Variants in LAMA2 observed in about 807,000 individuals in gnomAD.
LAMA2 encodes the protein laminin subunit alpha 2.
A neutral mutation model predicts 364.8 loss-of-function variants in LAMA2; 269 were observed. The observed-to-expected ratio is 0.74, with a 90% CI of 0.67 to 0.82. The LOEUF (loss-of-function observed/expected upper bound fraction) is 0.82, where lower values mean the gene tolerates loss of function less well. LAMA2 is among the 40% of genes least tolerant of loss of function. The probability of loss-of-function intolerance (pLI) is 0.00; values close to 1 mark genes in which losing one functional copy is unlikely to be tolerated. For missense variants in LAMA2, 3,807 were observed against 3,873.2 expected, an observed-to-expected ratio of 0.98 and a Z score of 0.45; for synonymous variants, 1,379 against 1,370.6, an observed-to-expected ratio of 1.01 and a Z score of -0.14.
At chr6:129,123,288 A>C (rs903125089) in intron 4 of LAMA2, among the ~76,000 whole-genome samples, 1 of 151,184 alleles carries the variant, frequency 6.6e-6, no homozygotes, top group Admixed American at 6.6e-5. Context: ...CCTGAGCGAT[A>C]GAGTAAGACT....
At position 129,365,965 on chromosome 6, in the gene LAMA2, C is replaced by G. The variant is rs6907994; in HGVS notation, c.4718-254C>G. On this transcript the variant is annotated intron_variant, in intron 32 of 64. Transcript: ENST00000421865. The stretch of plus-strand genomic sequence containing the variant: ...TTTTTCTCCCCAAATCTATTTGCTC[C>G]TCCTCTTTGGTCCCTCAGTTTATAT... 0.1 allele frequency among the ~76,000 whole-genome samples: 15,547 copies of G among 152,144 alleles called. 1,046 individuals are homozygous for G. The highest frequency in any genetic ancestry group is 0.18 in the African/African-American group (7,375 of 41,478).
At chr6:128,887,090 A>G (rs1776189879) in intron 1 of LAMA2, among the ~76,000 whole-genome samples, 1 of 152,238 alleles carries the variant, frequency 6.6e-6, no homozygotes, top group Non-Finnish European at 1.5e-5. Context: ...GATTTAAAAT[A>G]AAAACATGTT....
intron 45 of LAMA2, among the ~76,000 whole-genome samples, chr6:129,452,084 C>T (rs895687226): frequency 1.1e-4 from 17 of 152,304 alleles, no homozygotes; most frequent in South Asian, 6.2e-4. Flanking sequence ...CCTTCTGGAG[C>T]GCTATCAATG....
Position 129,483,089 on chromosome 6 carries a change from G to GA in LAMA2, c.7749+1658dup, listed in dbSNP as rs1237334099. ...CTCGAAAAAAAAAAAAAAAGAAAAA[G>GA]AAAAAAAAGAAAATCTAAAAATAAT... On this transcript the variant is annotated intron_variant, in intron 55 of 64. Coordinates refer to ENST00000421865, the MANE Select transcript of LAMA2 (RefSeq NM_000426.4). Among the ~76,000 whole-genome samples the GA allele has an allele frequency of 2.8e-5, 4 of 142,148 alleles. No individual in the cohort carries two copies. In the East Asian group the frequency reaches 8.2e-4, roughly 29 times the overall value. The allele number at this position is 142,148 out of a possible 152,430, so 93.3% of individuals were successfully genotyped here. A position where few individuals can be genotyped will look rare whatever the true frequency, so the allele number is the denominator to read the frequency against.
At chr6:128,934,664 G>A (rs1779703521) in intron 1 of LAMA2, among the ~76,000 whole-genome samples, 1 of 151,922 alleles carries the variant, frequency 6.6e-6, no homozygotes, top group Non-Finnish European at 1.5e-5. Context: ...ACCATGCCCA[G>A]CCAATTTTAT....
chr6:129,106,485 A>G (rs1775831735), intron 4 of LAMA2, among the ~76,000 whole-genome samples: 1 of 152,166 alleles, frequency 6.6e-6, no homozygotes, highest in African/African-American at 2.4e-5. Flanking sequence ...ACAGCGGAGT[A>G]TTACTAATTT....
At chr6:129,383,849 A>C (rs1044167912) in intron 35 of LAMA2, among the ~76,000 whole-genome samples, 1 of 152,172 alleles carries the variant, frequency 6.6e-6, no homozygotes, top group Non-Finnish European at 1.5e-5. Flanking sequence ...CTCGCCCCCC[A>C]AAAAAACCTA....
intron 40 of LAMA2, among the ~76,000 whole-genome samples, chr6:129,414,637 A>T (rs1188687978): frequency 6.6e-6 from 1 of 152,178 alleles, no homozygotes; most frequent in Non-Finnish European, 1.5e-5. Context: ...ATAATAAAGA[A>T]AATAGGTCTA....
At position 129,154,378 on chromosome 6, in the gene LAMA2, C is replaced by T. The variant is rs894775739; in HGVS notation, c.1028-127C>T. 8 of 787,148 alleles carry T rather than the reference C, an allele frequency of 1.0e-5. No homozygotes were observed. In the African/African-American group the frequency reaches 1.0e-4, roughly 10 times the overall value. 48.8% of individuals were successfully genotyped at this position (787,148 alleles called of 1,614,324 possible). ...AGTGAGCCGAGATCGTGCCACTCTG[C>T]ACTCCAGCCTGGGCGACAGAGTGAG... On this transcript the variant is annotated intron_variant, in intron 7 of 64. Transcript: ENST00000421865.
At chr6:128,903,701 T>C (rs1482673388) in intron 1 of LAMA2, among the ~76,000 whole-genome samples, 2 of 152,100 alleles carry the variant, frequency 1.3e-5, no homozygotes, top group African/African-American at 4.8e-5. Flanking sequence ...AAGTATTTTA[T>C]ATAATAATGC....
rs751608288 is a variant in LAMA2, at chr6:129,315,889, T to G, written c.3863T>G (p.Val1288Gly). 1 of 1,614,094 alleles carries G rather than the reference T, an allele frequency of 6.2e-7. No homozygotes were observed. The highest frequency in any genetic ancestry group is 1.1e-5 in the South Asian group (1 of 91,074). ...ACACCTACTCATGCTAGAATTATCG[T>G]CAGGCATATGGCTGCTCCTCTGATT... Reference protein sequence around the residue: ...GGTPTHARIIVRHMAAPLIGQ... With the variant: ...GGTPTHARIIGRHMAAPLIGQ... The change falls in exon 26 of 65, where the codon GTC becomes GGC. Residue 1288 changes from valine to glycine, a missense_variant. Val to Gly is a moderately radical substitution (Grantham distance 109, BLOSUM62 -3). Transcript: ENST00000421865.
At chr6:128,964,192 A>C (rs1323472789) in intron 1 of LAMA2, among the ~76,000 whole-genome samples, 4 of 152,086 alleles carry the variant, frequency 2.6e-5, no homozygotes, top group Non-Finnish European at 5.9e-5. Context: ...GATCTCTATT[A>C]TTACTAACAA....
intron 12 of LAMA2, among the ~76,000 whole-genome samples, chr6:129,199,946 ACAAAC>A (rs1358820858): frequency 6.6e-6 from 1 of 151,644 alleles, no homozygotes; most frequent in Admixed American, 6.6e-5. Context: ...AGGTGTGGTG[ACAAAC>A]GCCTGCAATC....
chr6:129,432,085 G>C (rs987372393), intron 41 of LAMA2, among the ~76,000 whole-genome samples: 2 of 152,110 alleles, frequency 1.3e-5, no homozygotes, highest in Non-Finnish European at 2.9e-5. Context: ...TCCATAGCAG[G>C]CATGCAAAAG....
intron 4 of LAMA2, 131 bp downstream of exon 4, chr6:129,098,546 G>T (rs1231213672): frequency 9.3e-7 from 1 of 1,076,686 alleles, no homozygotes; most frequent in Non-Finnish European, 1.4e-6. Flanking sequence ...ACATTTAAAT[G>T]AGTTATTAAA....
At chr6:129,067,168 C>G (rs1266240344) in intron 3 of LAMA2, among the ~76,000 whole-genome samples, 1 of 152,168 alleles carries the variant, frequency 6.6e-6, no homozygotes, top group Non-Finnish European at 1.5e-5. Context: ...ATTTGGGTCA[C>G]TGCTAAATTG....
At chr6:129,034,277 CTAATT>C (rs1786453695) in intron 1 of LAMA2, among the ~76,000 whole-genome samples, 1 of 151,940 alleles carries the variant, frequency 6.6e-6, no homozygotes, top group South Asian at 2.1e-4. Flanking sequence ...GTAGTCAACT[CTAATT>C]TATTAAGCAT....
chr6:129,393,109 G>C lies in LAMA2; in HGVS notation c.5299G>C (p.Glu1767Gln). 6.2e-7 allele frequency: 1 copy of C among 1,614,074 alleles called. No individual in the cohort carries two copies. The highest frequency in any genetic ancestry group is 8.5e-7 in the Non-Finnish European group (1 of 1,179,954). The change falls in exon 37 of 65, where the codon GAA becomes CAA. Residue 1767 changes from glutamate to glutamine, a missense_variant. Physicochemically the swap from Glu to Gln is conservative, Grantham distance 29. Coordinates refer to ENST00000421865, the MANE Select transcript of LAMA2 (RefSeq NM_000426.4). ...TGGAGAGTCCCGGGGGGAAAATGAA[G>C]AAATGGAGAAGGATCTCCGGGAAAA... ...LFGESRGENE[E>Q]MEKDLREKLA...
chr6:129,134,496 A>C (rs1228667914), intron 4 of LAMA2, among the ~76,000 whole-genome samples: 1 of 152,142 alleles, frequency 6.6e-6, no homozygotes, highest in Non-Finnish European at 1.5e-5. Flanking sequence ...GCAGTCCCCA[A>C]CCTTTTTGGT....
Sources: gnomAD v4.1 joint callset for allele counts (sites outside exome capture counted in the v4.1 genomes callset) on GRCh38, gnomAD v4.1.1 for gene constraint, MANE v1.5 for transcripts, NCBI Gene and HGNC (gene_info 2026-07-23, HGNC 2026-07-21) for gene names.